Variants in FANCM observed in about 807,000 individuals in gnomAD.
FANCM encodes Fanconi anemia group M protein.
A neutral mutation model predicts 199.5 loss-of-function variants in FANCM; 140 were observed. That is an observed-to-expected ratio of 0.70 (90% CI 0.61 to 0.81). FANCM has a LOEUF of 0.81. Ranked by LOEUF, FANCM falls within the 30% of genes least tolerant of loss-of-function variation. FANCM has a pLI of 0.00. For missense variants in FANCM, 2,410 were observed against 2,421.4 expected (o/e 1.00, Z 0.10); for synonymous variants, 840 against 836.8 (o/e 1.00, Z -0.07).
chr14:45,168,521 C>A (rs1483825782), intron 11 of FANCM, among the ~76,000 whole-genome samples: 1 of 151,042 alleles, frequency 6.6e-6, no homozygotes, highest in Non-Finnish European at 1.5e-5. Flanking sequence ...ATATCTGGAA[C>A]CTATCCTTTT....
chr14:45,187,533 A>G (rs553223181), intron 18 of FANCM, among the ~76,000 whole-genome samples: 2 of 152,282 alleles, frequency 1.3e-5, no homozygotes, highest in African/African-American at 4.8e-5. Context: ...TTTCAGAGAG[A>G]TAGATAAAGC....
At chr14:45,172,709 A>G (rs1381595964) in intron 12 of FANCM, among the ~76,000 whole-genome samples, 3 of 152,162 alleles carry the variant, frequency 2.0e-5, no homozygotes, top group Non-Finnish European at 4.4e-5. Context: ...TGTGAAAGTC[A>G]AGAGAACTGA....
Position 45,189,242 on chromosome 14 carries a change from T to TA in FANCM, c.5221dup (p.Thr1741AsnfsTer14), listed in dbSNP as rs758498345. The stretch of plus-strand genomic sequence containing the variant: ...AACAGACATCGCTGAATTTAAAGGA[T>TA]ACAATTTCCGAAGTCTCAGACTTCA... On this transcript the variant is annotated frameshift_variant, in exon 20 of 23. Transcript: ENST00000267430. LOFTEE classifies it high-confidence loss of function. 5.6e-6 allele frequency: 9 copies of TA among 1,614,004 alleles called. No homozygotes were observed. The highest frequency in any genetic ancestry group is 7.6e-6 in the Non-Finnish European group (9 of 1,179,994).
Position 45,148,954 on chromosome 14 carries a change from C to T in FANCM, c.877C>T (p.Leu293Phe), listed in dbSNP as rs1886627288. Residue 293 changes from leucine (L) to phenylalanine (F), a missense_variant, in exon 4 of 23, where the codon CTT becomes TTT. By Grantham distance (22) the Leu-to-Phe change is conservative. Transcript: ENST00000267430. The part of the protein sequence containing the change: ...ERKVEKLIVP[L>F]GEELAAIQKT... ...AAAAGTTGAAAAGCTTATTGTTCCG[C>T]TTGGTGAAGAACTTGCAGCCATCCA... 2.5e-6 allele frequency: 4 copies of T among 1,613,778 alleles called. No individual in the cohort carries two copies. The highest frequency in any genetic ancestry group is 3.4e-6 in the Non-Finnish European group (4 of 1,179,830).
At chr14:45,174,947 A>G in intron 13 of FANCM, 124 bp from the exon 14 acceptor site, 1 of 618,794 alleles carries the variant, frequency 1.6e-6, no homozygotes, top group South Asian at 2.1e-5. Flanking sequence ...TAAGGTATAA[A>G]AGAATATCAC....
intron 5 of FANCM, 84 bp from the exon 6 acceptor site, chr14:45,153,836 C>T: frequency 9.7e-7 from 1 of 1,025,696 alleles, no homozygotes; most frequent in Non-Finnish European, 1.5e-6. Flanking sequence ...AAATGTTACA[C>T]TGACTATGGC....
At chr14:45,153,577 A>G (rs1037953755) in intron 5 of FANCM, among the ~76,000 whole-genome samples, 2 of 152,240 alleles carry the variant, frequency 1.3e-5, no homozygotes, top group African/African-American at 2.4e-5. Context: ...TGAAAGAACA[A>G]ATATATCTAT....
intron 3 of FANCM, among the ~76,000 whole-genome samples, chr14:45,144,028 C>G (rs542177663): frequency 1.1e-4 from 17 of 150,370 alleles, no homozygotes; most frequent in Admixed American, 7.9e-4. Flanking sequence ...CTGTGGCAGC[C>G]TTTTAAAACT....
chr14:45,177,115 T>C (rs1888761547), intron 14 of FANCM, 139 bp downstream of exon 14: 1 of 618,006 alleles, frequency 1.6e-6, no homozygotes, highest in South Asian at 2.2e-5. Flanking sequence ...GTGTTATATT[T>C]TTCTTAAGAT....
intron 10 of FANCM, among the ~76,000 whole-genome samples, chr14:45,165,950 T>A (rs963220818): frequency 6.6e-6 from 1 of 152,126 alleles, no homozygotes; most frequent in Non-Finnish European, 1.5e-5. Flanking sequence ...AACTGAAATG[T>A]AGAAAAACGA....
At chr14:45,195,588 A>G (rs1426218823) in intron 20 of FANCM, 2 of 456,444 alleles carry the variant, frequency 4.4e-6, no homozygotes, top group South Asian at 3.1e-5. Context: ...AAAGCTGGGT[A>G]TGTTCTGACT....
At chr14:45,160,372 G>C (rs994643661) in intron 9 of FANCM, among the ~76,000 whole-genome samples, 7 of 149,806 alleles carry the variant, frequency 4.7e-5, no homozygotes, top group African/African-American at 1.7e-4. Context: ...GCCCAGGGTG[G>C]AGTACAGTGG....
chr14:45,167,323 G>T, intron 11 of FANCM, 160 bp downstream of exon 11: 1 of 634,812 alleles, frequency 1.6e-6, no homozygotes, highest in Non-Finnish European at 2.8e-6. Flanking sequence ...TATTCATGTG[G>T]CAAATGGAGA....
At chr14:45,193,278 G>A (rs1008676149) in intron 20 of FANCM, among the ~76,000 whole-genome samples, 1 of 152,194 alleles carries the variant, frequency 6.6e-6, no homozygotes, top group Non-Finnish European at 1.5e-5. Context: ...GGGAGGGAGA[G>A]TAAGATCACT....
At chr14:45,194,941 G>A (rs770097489) in intron 20 of FANCM, among the ~76,000 whole-genome samples, 9 of 151,962 alleles carry the variant, frequency 5.9e-5, no homozygotes, top group Non-Finnish European at 1.2e-4. Context: ...TAGAGACAGG[G>A]TTTCACCACG....
chr14:45,168,543 A>G (rs1478334448), intron 11 of FANCM, among the ~76,000 whole-genome samples: 1 of 151,124 alleles, frequency 6.6e-6, no homozygotes, highest in African/African-American at 2.4e-5. Flanking sequence ...AAAAATTGAG[A>G]TAATGTTAAC....
At chr14:45,180,017 C>T (rs1198142458) in intron 14 of FANCM, among the ~76,000 whole-genome samples, 2 of 152,200 alleles carry the variant, frequency 1.3e-5, no homozygotes, top group Admixed American at 6.5e-5. Flanking sequence ...TTCAAGCCTT[C>T]GTTCACTAAA....
At chr14:45,141,717 G>C (rs1399455304) in intron 3 of FANCM, among the ~76,000 whole-genome samples, 4 of 151,184 alleles carry the variant, frequency 2.6e-5, no homozygotes, top group Non-Finnish European at 4.4e-5. Flanking sequence ...ACCCTCCCGA[G>C]TAGCTGGGAT....
At chr14:45,186,343 A>G (rs78594838) in intron 18 of FANCM, among the ~76,000 whole-genome samples, 13,870 of 152,290 alleles carry the variant, frequency 0.091, 786 homozygotes, top group South Asian at 0.2. Context: ...ATGTAAGGGC[A>G]GTTTACTTTC....
Sources: allele counts gnomAD v4.1 joint callset (sites outside exome capture counted in the v4.1 genomes callset), GRCh38; gene constraint gnomAD v4.1.1; transcripts MANE v1.5; gene names NCBI Gene and HGNC (gene_info 2026-07-23, HGNC 2026-07-21).